BICD1: variants seen among roughly 807,000 people sequenced by gnomAD.
BICD1 encodes BICD cargo adaptor 1, also known as protein bicaudal D homolog 1.
In BICD1, 35 loss-of-function variants were observed where a neutral mutation model predicts 92.5. The observed-to-expected ratio is 0.38, with a 90% CI of 0.29 to 0.50. The LOEUF (loss-of-function observed/expected upper bound fraction) is 0.50. BICD1 is among the 20% of genes least tolerant of loss of function. The probability of loss-of-function intolerance (pLI) is 0.93; values close to 1 mark genes in which losing one functional copy is unlikely to be tolerated. For synonymous variants in BICD1, 429 were observed against 465.1 expected (o/e 0.92, Z 1.00); for missense variants, 950 against 1,189.8 (o/e 0.80, Z 2.97).
intron 1 of BICD1, among the ~76,000 whole-genome samples, chr12:32,185,283 A>T (rs987340389): frequency 6.6e-6 from 1 of 152,218 alleles, no homozygotes; most frequent in African/African-American, 2.4e-5. Context: ...TATACTCTTG[A>T]TTATTTCAAA....
At chr12:32,255,924 A>G (rs1946705537) in intron 2 of BICD1, among the ~76,000 whole-genome samples, 1 of 152,236 alleles carries the variant, frequency 6.6e-6, no homozygotes. Context: ...CTCGACATTA[A>G]TAATAGAGCA....
At chr12:32,177,582 C>T (rs1343963696) in intron 1 of BICD1, among the ~76,000 whole-genome samples, 1 of 149,966 alleles carries the variant, frequency 6.7e-6, no homozygotes, top group Non-Finnish European at 1.5e-5. Context: ...TGTTCACTGG[C>T]ATGCTAACCA....
chr12:32,297,344 G>A (rs1484469393), intron 3 of BICD1, among the ~76,000 whole-genome samples: 3 of 152,086 alleles, frequency 2.0e-5, no homozygotes, highest in Non-Finnish European at 4.4e-5. Flanking sequence ...TTACAGGCGT[G>A]TGCCACCATG....
chr12:32,357,072 C>T (rs764444881), intron 8 of BICD1, among the ~76,000 whole-genome samples: 6 of 143,186 alleles, frequency 4.2e-5, no homozygotes, highest in East Asian at 4.1e-4. Flanking sequence ...AGTGTGATGG[C>T]GCGATCTCGG....
At chr12:32,123,324 C>T (rs531320976) in intron 1 of BICD1, among the ~76,000 whole-genome samples, 1 of 152,286 alleles carries the variant, frequency 6.6e-6, no homozygotes, top group South Asian at 2.1e-4. Context: ...TTGGCTTTTG[C>T]TCTGAGTGAG....
intron 1 of BICD1, among the ~76,000 whole-genome samples, chr12:32,197,764 G>T (rs1266888139): frequency 6.6e-6 from 1 of 152,146 alleles, no homozygotes; most frequent in Non-Finnish European, 1.5e-5. Context: ...AAGACAGAAA[G>T]GGGGTTTCAC....
intron 2 of BICD1, among the ~76,000 whole-genome samples, chr12:32,245,243 G>GTTT (rs201510925): frequency 1.1e-3 from 127 of 119,912 alleles, no homozygotes; most frequent in East Asian, 4.2e-3. Flanking sequence ...GCTTAGTTTT[G>GTTT]TTTTTTGTTT....
intron 9 of BICD1, among the ~76,000 whole-genome samples, chr12:32,374,650 G>T (rs371939679): frequency 2.8e-5 from 4 of 141,962 alleles, no homozygotes; most frequent in Non-Finnish European, 1.5e-5. Context: ...TCACCGCAAC[G>T]TCTGCCTCCC....
At chr12:32,116,942 C>CA in intron 1 of BICD1, among the ~76,000 whole-genome samples, 1 of 151,724 alleles carries the variant, frequency 6.6e-6, no homozygotes, top group South Asian at 2.1e-4. Flanking sequence ...GGTCCAAACT[C>CA]ACTTTTCTTC....
intron 9 of BICD1, among the ~76,000 whole-genome samples, chr12:32,375,025 T>G (rs2136343841): frequency 7.2e-6 from 1 of 139,830 alleles, no homozygotes; most frequent in African/African-American, 2.7e-5. Flanking sequence ...TTCACGCCAT[T>G]CTCCTACCTC....
intron 8 of BICD1, among the ~76,000 whole-genome samples, chr12:32,347,717 T>C (rs1051338981): frequency 3.3e-5 from 5 of 152,054 alleles, no homozygotes. Context: ...TCCTTGTCAA[T>C]ATAAAAACTT....
chr12:32,108,314 A>G (rs75572691), intron 1 of BICD1: 6,724 of 201,246 alleles, frequency 0.033, 271 homozygotes, highest in African/African-American at 0.11. Context: ...AAACCAGAAT[A>G]TCAAAAATGG....
intron 4 of BICD1, among the ~76,000 whole-genome samples, chr12:32,315,226 C>T (rs1349961036): frequency 6.6e-6 from 1 of 152,184 alleles, no homozygotes; most frequent in Admixed American, 6.6e-5. Flanking sequence ...TTCTTTCTTT[C>T]CCCTATTGAA....
At position 32,327,823 on chromosome 12, in the gene BICD1, G is replaced by A. The variant is rs763572118; in HGVS notation, c.1368G>A (p.Glu456=). Reference sequence around the variant, plus strand: ...ACACTGATGAGAAGGCCAAGTATGAGAGTAAAATCCAGATGTATGATGAGC... The same window carrying A: ...ACACTGATGAGAAGGCCAAGTATGAAAGTAAAATCCAGATGTATGATGAGC... ...ENYTDEKAKY[E]SKIQMYDEQV... Residue 456 remains glutamate, a synonymous_variant, in exon 5 of 10, where the codon GAG becomes GAA. Transcript: ENST00000652176. 6.2e-7 allele frequency: 1 copy of A among 1,614,104 alleles called. No individual in the cohort carries two copies.
Position 32,327,594 on chromosome 12 carries a change from G to T in BICD1, c.1139G>T (p.Gly380Val), listed in dbSNP as rs201857634. ...RLTEHVNAMR[G>V]LQSSKELKAE... ...ACAGAGCACGTCAATGCCATGAGGGGCCTGCAAAGCAGCAAGGAGCTCAAG... is the reference window on the plus strand; with the variant it reads ...ACAGAGCACGTCAATGCCATGAGGGTCCTGCAAAGCAGCAAGGAGCTCAAG... Residue 380 changes from glycine (G) to valine (V), a missense_variant, in exon 5 of 10, where the codon GGC becomes GTC. By Grantham distance (109) the Gly-to-Val change is moderately radical. This residue lies in a region of BICD1 where 246 missense variants were observed against 258.4 expected (regional missense o/e 0.95). Coordinates refer to ENST00000652176, the MANE Select transcript of BICD1 (RefSeq NM_001714.4). 2.2e-5 allele frequency: 36 copies of T among 1,613,986 alleles called. No homozygotes were observed. Among genetic ancestry groups the T allele is most frequent in the Non-Finnish European group, 3.0e-5 (35 of 1,180,024 alleles).
intron 2 of BICD1, among the ~76,000 whole-genome samples, chr12:32,251,339 G>A (rs1946515764): frequency 6.6e-6 from 1 of 152,112 alleles, no homozygotes; most frequent in Admixed American, 6.6e-5. Flanking sequence ...ACTTAAATTA[G>A]TTTGCTGTAA....
At chr12:32,244,856 T>G (rs1190893424) in intron 2 of BICD1, among the ~76,000 whole-genome samples, 2 of 152,166 alleles carry the variant, frequency 1.3e-5, no homozygotes, top group Non-Finnish European at 2.9e-5. Context: ...CTCAATTTCT[T>G]AATCTCGTGA....
chr12:32,131,278 T>G (rs1218853210), intron 1 of BICD1, among the ~76,000 whole-genome samples: 4 of 152,310 alleles, frequency 2.6e-5, no homozygotes, highest in Middle Eastern at 3.4e-3. Context: ...TTTAAAAAAA[T>G]TATTTTTCTG....
At chr12:32,320,873 G>A (rs1045540806) in intron 4 of BICD1, among the ~76,000 whole-genome samples, 17 of 151,938 alleles carry the variant, frequency 1.1e-4, no homozygotes, top group African/African-American at 4.1e-4. Context: ...AGAGAAATAA[G>A]ACAACTATTC....
Sources: allele counts gnomAD v4.1 joint callset (sites outside exome capture counted in the v4.1 genomes callset), GRCh38; gene constraint gnomAD v4.1.1; regional missense constraint gnomAD v4.1.1; transcripts MANE v1.5; gene names NCBI Gene and HGNC (gene_info 2026-07-23, HGNC 2026-07-21).